The following ADAMTS3 variants were observed in gnomAD, a reference collection of about 807,000 sequenced individuals.
ADAMTS3 encodes A disintegrin and metalloproteinase with thrombospondin motifs 3.
A neutral mutation model predicts 129.0 loss-of-function variants in ADAMTS3; 73 were observed. The observed-to-expected ratio is 0.57, with a 90% confidence interval of 0.47 to 0.69. ADAMTS3 has a LOEUF of 0.69. ADAMTS3 is among the 30% of genes least tolerant of loss of function. ADAMTS3 has a pLI of 0.00. For synonymous variants in ADAMTS3, 477 were observed against 510.8 expected (o/e 0.93, Z 0.89); for missense variants, 1,457 against 1,514.5 (o/e 0.96, Z 0.63).
intron 3 of ADAMTS3, among the ~76,000 whole-genome samples, chr4:72,469,094 C>T: frequency 6.6e-6 from 1 of 152,058 alleles, no homozygotes; most frequent in Non-Finnish European, 1.5e-5. Context: ...CAAATTAGCA[C>T]TCTTGTGCCC....
At position 72,510,288 on chromosome 4, in the gene ADAMTS3, GAAT is replaced by G. The variant is rs531709074; in HGVS notation, c.504+38187_504+38189del. ...TCCTAGCTTGAGCAATCAGACAAGA[GAAT>G]GATATAAAGGGCATCCAAATTGGAA... On this transcript the variant is annotated intron_variant, in intron 3 of 21. Transcript: ENST00000286657. Among the ~76,000 whole-genome samples, 389 of 152,014 alleles carry G rather than the reference GAAT, an allele frequency of 2.6e-3. 1 individual carries two copies. Among genetic ancestry groups the G allele is most frequent in the Non-Finnish European group, 2.8e-3 (191 of 67,894 alleles).
At chr4:72,455,775 T>G (rs1718535701) in intron 3 of ADAMTS3, among the ~76,000 whole-genome samples, 1 of 139,380 alleles carries the variant, frequency 7.2e-6, no homozygotes, top group South Asian at 2.2e-4. Context: ...TATTCACCAT[T>G]GTAACTACTT....
At chr4:72,412,575 A>G (rs563290664) in intron 4 of ADAMTS3, among the ~76,000 whole-genome samples, 2 of 152,142 alleles carry the variant, frequency 1.3e-5, no homozygotes, top group East Asian at 3.9e-4. Flanking sequence ...GTTACAATTC[A>G]AGATTCTCAA....
intron 2 of ADAMTS3, among the ~76,000 whole-genome samples, chr4:72,563,303 C>T (rs955765884): frequency 1.3e-5 from 2 of 152,162 alleles, no homozygotes; most frequent in Non-Finnish European, 2.9e-5. Flanking sequence ...GTAAAGCCAA[C>T]TCCATTACCT....
intron 3 of ADAMTS3, among the ~76,000 whole-genome samples, chr4:72,527,557 C>T (rs746112391): frequency 4.6e-5 from 7 of 152,074 alleles, no homozygotes; most frequent in Non-Finnish European, 8.8e-5. Context: ...TCTAGATGTC[C>T]ATCTATTTAT....
chr4:72,532,653 A>C (rs957718274), intron 3 of ADAMTS3, among the ~76,000 whole-genome samples: 2 of 152,268 alleles, frequency 1.3e-5, no homozygotes, highest in African/African-American at 4.8e-5. Context: ...TGGTATACTT[A>C]CACAACCGTA....
At chr4:72,375,114 C>A (rs1279885883) in intron 4 of ADAMTS3, among the ~76,000 whole-genome samples, 2 of 152,130 alleles carry the variant, frequency 1.3e-5, no homozygotes, top group African/African-American at 4.8e-5. Context: ...CCAATTCCTC[C>A]ATTCCATTTC....
At chr4:72,529,032 T>A (rs560598988) in intron 3 of ADAMTS3, among the ~76,000 whole-genome samples, 11 of 152,242 alleles carry the variant, frequency 7.2e-5, no homozygotes, top group African/African-American at 2.6e-4. Flanking sequence ...TTAGCTAGAA[T>A]GGTCAGGAAA....
intron 4 of ADAMTS3, among the ~76,000 whole-genome samples, chr4:72,375,111 C>T (rs1343521984): frequency 6.6e-6 from 1 of 152,100 alleles, no homozygotes; most frequent in Non-Finnish European, 1.5e-5. Flanking sequence ...TTACCAATTC[C>T]TCCATTCCAT....
chr4:72,328,236 G>T (rs1187306084), intron 5 of ADAMTS3, among the ~76,000 whole-genome samples: 1 of 152,200 alleles, frequency 6.6e-6, no homozygotes, highest in Non-Finnish European at 1.5e-5. Flanking sequence ...TCAATTTTCA[G>T]ATGACCTGAT....
At chr4:72,413,810 C>T (rs1578658572) in intron 4 of ADAMTS3, among the ~76,000 whole-genome samples, 1 of 152,032 alleles carries the variant, frequency 6.6e-6, no homozygotes, top group African/African-American at 2.4e-5. Context: ...CTAAGCTAGG[C>T]ATACATTTCA....
intron 3 of ADAMTS3, among the ~76,000 whole-genome samples, chr4:72,507,603 C>T (rs1215917146): frequency 6.6e-6 from 1 of 152,080 alleles, no homozygotes; most frequent in Non-Finnish European, 1.5e-5. Context: ...TTTCTCTTGC[C>T]AGCAACCAAA....
rs1223361375 is a variant in ADAMTS3 at position 72,283,118 on chromosome 4, C to G, written c.*18G>C. ...GTCCAGGTTTTCCTCTGGTTTCTAG[C>G]CTTTTTGGTTCACTTTCTCATCTTT... On this transcript the variant is annotated 3_prime_UTR_variant, in exon 22 of 22. Coordinates refer to ENST00000286657, the MANE Select transcript of ADAMTS3 (RefSeq NM_014243.3). 7 of 1,575,822 alleles carry G rather than the reference C, an allele frequency of 4.4e-6. No homozygotes were observed. The highest frequency in any genetic ancestry group is 2.2e-5 in the East Asian group (1 of 44,540).
chr4:72,487,505 T>C (rs1719621032), intron 3 of ADAMTS3, among the ~76,000 whole-genome samples: 1 of 152,112 alleles, frequency 6.6e-6, no homozygotes, highest in Admixed American at 6.6e-5. Context: ...TGCCCATCTC[T>C]GTCTGCCCTG....
chr4:72,394,800 A>C (rs1721684546), intron 4 of ADAMTS3, among the ~76,000 whole-genome samples: 1 of 152,238 alleles, frequency 6.6e-6, no homozygotes, highest in South Asian at 2.1e-4. Flanking sequence ...TATGCTTTTG[A>C]AATTAGATAT....
chr4:72,305,307 CAT>C (rs1270413816), intron 16 of ADAMTS3, among the ~76,000 whole-genome samples: 4 of 152,096 alleles, frequency 2.6e-5, no homozygotes, highest in East Asian at 3.9e-4. Flanking sequence ...AAACCTGACA[CAT>C]GTCAGATATT....
At chr4:72,340,163 T>G (rs1351868294) in intron 4 of ADAMTS3, among the ~76,000 whole-genome samples, 4 of 152,204 alleles carry the variant, frequency 2.6e-5, no homozygotes, top group African/African-American at 7.2e-5. Context: ...CCAGTAACCT[T>G]AATTTAAAAA....
At chr4:72,295,192 A>C (rs983059010) in intron 19 of ADAMTS3, among the ~76,000 whole-genome samples, 10 of 152,086 alleles carry the variant, frequency 6.6e-5, no homozygotes, top group African/African-American at 2.4e-4. Context: ...AGAGAGATAC[A>C]TGTTAATACA....
intron 2 of ADAMTS3, among the ~76,000 whole-genome samples, chr4:72,564,994 CA>C (rs1278550905): frequency 2.6e-5 from 4 of 152,158 alleles, no homozygotes; most frequent in African/African-American, 7.2e-5. Context: ...GAGGGACGTA[CA>C]GGGATTCCAG....
Sources: gnomAD v4.1 joint callset for allele counts (sites outside exome capture counted in the v4.1 genomes callset) on GRCh38, gnomAD v4.1.1 for gene constraint, MANE v1.5 for transcripts, NCBI Gene and HGNC (gene_info 2026-07-23, HGNC 2026-07-21) for gene names.